FAM117B: variants seen among roughly 807,000 people sequenced by gnomAD.
FAM117B encodes the protein protein FAM117B.
Under a neutral mutation model 52.8 loss-of-function variants are expected in FAM117B, and 22 were observed. That is an observed-to-expected ratio of 0.42 (90% CI 0.30 to 0.59). The LOEUF (loss-of-function observed/expected upper bound fraction) is 0.59, where lower values mean the gene tolerates loss of function less well. Among genes scored for constraint, FAM117B ranks in the 20% least tolerant of loss-of-function variants. The pLI, the probability that FAM117B is intolerant of heterozygous loss-of-function variation, is 0.22. For synonymous variants in FAM117B, 309 were observed against 324.1 expected (o/e 0.95, Z 0.50); for missense variants, 678 against 802.6 (o/e 0.84, Z 1.88).
intron 1 of FAM117B, among the ~76,000 whole-genome samples, chr2:202,689,045 C>T (rs778171935): frequency 2.0e-5 from 3 of 152,118 alleles, no homozygotes; most frequent in Non-Finnish European, 2.9e-5. Flanking sequence ...CTTTTTATTT[C>T]TCTCAACAAT....
chr2:202,709,606 T>G (rs1265571195), intron 2 of FAM117B, among the ~76,000 whole-genome samples: 2 of 152,212 alleles, frequency 1.3e-5, no homozygotes, highest in East Asian at 1.9e-4. Flanking sequence ...AAATATTTTC[T>G]TATTTCTTAG....
chr2:202,680,404 A>T (rs113138131), intron 1 of FAM117B, among the ~76,000 whole-genome samples: 33,940 of 152,000 alleles, frequency 0.22, 4,513 homozygotes, highest in Middle Eastern at 0.31. Context: ...ATGTACCCTA[A>T]AACTTAAAGT....
At position 202,676,075 on chromosome 2, in the gene FAM117B, C is replaced by T. The variant is rs920166712; in HGVS notation, c.602-19806C>T. On this transcript the variant is annotated intron_variant, in intron 1 of 7. Transcript: ENST00000392238. Reference sequence around the variant, plus strand: ...CTGAAAGATTGTCACTTATGTATTACTCTTCCCTTCTTACTTGCTTGTTCT... The same window carrying T: ...CTGAAAGATTGTCACTTATGTATTATTCTTCCCTTCTTACTTGCTTGTTCT... 6.0e-5 allele frequency among the ~76,000 whole-genome samples: 9 copies of T among 150,384 alleles called. No individual in the cohort carries two copies. In the East Asian group the frequency reaches 1.8e-3, roughly 29 times the overall value.
intron 1 of FAM117B, among the ~76,000 whole-genome samples, chr2:202,660,985 C>G (rs544881100): frequency 6.6e-6 from 1 of 152,216 alleles, no homozygotes; most frequent in Non-Finnish European, 1.5e-5. Context: ...GGCCCTCCTA[C>G]CTAGTCCATT....
chr2:202,666,883 G>A (rs1295096475), intron 1 of FAM117B, among the ~76,000 whole-genome samples: 1 of 151,850 alleles, frequency 6.6e-6, no homozygotes, highest in Non-Finnish European at 1.5e-5. Context: ...CTGACCTCGT[G>A]ATCCACCTGC....
At chr2:202,682,428 G>A (rs961439076) in intron 1 of FAM117B, among the ~76,000 whole-genome samples, 4 of 152,126 alleles carry the variant, frequency 2.6e-5, no homozygotes, top group East Asian at 1.9e-4. Context: ...AAAAGCAGTC[G>A]CCCAACCACT....
intron 1 of FAM117B, among the ~76,000 whole-genome samples, chr2:202,658,411 C>G (rs928763690): frequency 1.3e-5 from 2 of 152,094 alleles, no homozygotes; most frequent in African/African-American, 4.8e-5. Context: ...TCAGGTGATC[C>G]TCTTGCCTCA....
intron 1 of FAM117B, among the ~76,000 whole-genome samples, chr2:202,676,633 C>T (rs1690383266): frequency 6.6e-6 from 1 of 152,152 alleles, no homozygotes; most frequent in African/African-American, 2.4e-5. Flanking sequence ...CTGCCTCAGC[C>T]TCCCAAAGTG....
intron 1 of FAM117B, among the ~76,000 whole-genome samples, chr2:202,661,893 C>T (rs1690133440): frequency 6.7e-6 from 1 of 149,908 alleles, no homozygotes; most frequent in African/African-American, 2.5e-5. Context: ...TGCACTCCAG[C>T]CTGGGCAACA....
At chr2:202,706,765 A>G (rs1003827980) in intron 2 of FAM117B, among the ~76,000 whole-genome samples, 2 of 152,218 alleles carry the variant, frequency 1.3e-5, no homozygotes, top group African/African-American at 4.8e-5. Flanking sequence ...ACCTTGGTCT[A>G]CTGGTTGAAA....
chr2:202,653,980 C>T (rs1232889461), intron 1 of FAM117B, among the ~76,000 whole-genome samples: 1 of 151,404 alleles, frequency 6.6e-6, no homozygotes, highest in Non-Finnish European at 1.5e-5. Flanking sequence ...AAGCGTTTGT[C>T]AGGACAGAGG....
At chr2:202,716,660 A>C (rs1456976387) in intron 2 of FAM117B, among the ~76,000 whole-genome samples, 1 of 151,904 alleles carries the variant, frequency 6.6e-6, no homozygotes, top group African/African-American at 2.4e-5. Context: ...TGCCCTTCTG[A>C]GGCTATTTTC....
chr2:202,749,869 C>G (rs1559115347), intron 4 of FAM117B, among the ~76,000 whole-genome samples: 1 of 152,158 alleles, frequency 6.6e-6, no homozygotes, highest in Non-Finnish European at 1.5e-5. Context: ...CTCTGGATCA[C>G]TATATCTCTG....
chr2:202,699,060 A>G (rs1426770761), intron 2 of FAM117B, among the ~76,000 whole-genome samples: 1 of 152,200 alleles, frequency 6.6e-6, no homozygotes, highest in African/African-American at 2.4e-5. Context: ...CAATTGAATT[A>G]AAATATAAAC....
intron 1 of FAM117B, among the ~76,000 whole-genome samples, chr2:202,695,438 C>T (rs1189375217): frequency 2.0e-5 from 3 of 152,078 alleles, no homozygotes; most frequent in African/African-American, 4.8e-5. Flanking sequence ...CTTTGTCCAA[C>T]GTATGCACGT....
Position 202,755,594 on chromosome 2 carries a change from C to T in FAM117B, c.1017C>T (p.Gly339=), listed in dbSNP as rs752316865. The T allele has an allele frequency of 1.2e-6, 2 of 1,614,116 alleles. No homozygotes were observed. The highest frequency in any genetic ancestry group is 1.1e-5 in the South Asian group (1 of 91,080). The part of the protein sequence containing the change: ...IPVIPITKST[G]SRFRNSVEGL... ...TAATTCCCATCACCAAATCAACAGG[C>T]TCCCGGTTCCGGAATAGCGTGGAAG... Residue 339 remains glycine (G), a synonymous_variant, in exon 5 of 8, where the codon GGC becomes GGT. Coordinates refer to ENST00000392238, the MANE Select transcript of FAM117B (RefSeq NM_173511.4).
At chr2:202,711,547 T>G (rs1295655542) in intron 2 of FAM117B, among the ~76,000 whole-genome samples, 1 of 152,184 alleles carries the variant, frequency 6.6e-6, no homozygotes, top group Non-Finnish European at 1.5e-5. Flanking sequence ...GCTTTTAACT[T>G]GATATGACCC....
chr2:202,646,748 C>G (rs540854815), intron 1 of FAM117B, among the ~76,000 whole-genome samples: 2 of 152,262 alleles, frequency 1.3e-5, no homozygotes, highest in South Asian at 2.1e-4. Context: ...CCTCTCTCCC[C>G]TAAGGATATC....
chr2:202,754,404 A>G (rs1691768937), intron 4 of FAM117B, among the ~76,000 whole-genome samples: 1 of 152,076 alleles, frequency 6.6e-6, no homozygotes, highest in South Asian at 2.1e-4. Flanking sequence ...AACTTAGAGG[A>G]CTGGTCAATA....
Sources: gnomAD v4.1 joint callset for allele counts (sites outside exome capture counted in the v4.1 genomes callset) on GRCh38, gnomAD v4.1.1 for gene constraint, MANE v1.5 for transcripts, NCBI Gene and HGNC (gene_info 2026-07-23, HGNC 2026-07-21) for gene names.